The following CDC14B variants were observed in gnomAD, a reference collection of about 807,000 sequenced individuals.
The protein encoded by CDC14B is cell division cycle 14B, also known as dual specificity protein phosphatase CDC14B.
CDC14B carries 22 observed loss-of-function variants against 64.2 expected under a neutral mutation model. That is an observed-to-expected ratio of 0.34 (90% CI 0.24 to 0.49). CDC14B has a LOEUF of 0.49. CDC14B is among the 20% of genes least tolerant of loss of function. The pLI is 0.99. For synonymous variants in CDC14B, 191 were observed against 215.8 expected (o/e 0.89, Z 1.01); for missense variants, 498 against 629.9 (o/e 0.79, Z 2.24).
rs774810371 is a variant in CDC14B at position 96,619,386 on chromosome 9, G to A, written c.-8C>T. 5.9e-6 allele frequency: 7 copies of A among 1,192,064 alleles called. No homozygotes were observed. Among genetic ancestry groups the A allele is most frequent in the Middle Eastern group, 3.4e-4 (1 of 2,980 alleles). 73.8% of individuals were successfully genotyped at this position (1,192,064 alleles called of 1,614,324 possible). On this transcript the variant is annotated 5_prime_UTR_variant, in exon 1 of 14. Transcript: ENST00000375241. Reference sequence around the variant, plus strand: ...CTCGCTTTTCCGCTTCATGGAGGCGGCCGCGGCCCGTCAGGGGGCCACGAC... The same window carrying A: ...CTCGCTTTTCCGCTTCATGGAGGCGACCGCGGCCCGTCAGGGGGCCACGAC...
chr9:96,603,209 CT>C (rs1387571011), intron 1 of CDC14B, among the ~76,000 whole-genome samples: 3 of 150,652 alleles, frequency 2.0e-5, no homozygotes, highest in South Asian at 4.2e-4. Context: ...CAAAACATCT[CT>C]GGTAAGACAC....
intron 13 of CDC14B, among the ~76,000 whole-genome samples, chr9:96,504,534 C>T (rs1452458592): frequency 6.6e-6 from 1 of 152,178 alleles, no homozygotes; most frequent in Non-Finnish European, 1.5e-5. Context: ...CAACAGAGCA[C>T]TGAGTCAAAG....
chr9:96,571,931 G>A (rs1247678124), intron 1 of CDC14B, among the ~76,000 whole-genome samples: 3 of 152,150 alleles, frequency 2.0e-5, no homozygotes, highest in Admixed American at 6.5e-5. Flanking sequence ...CTTGCTGGGT[G>A]TAGATTATAC....
chr9:96,616,471 A>G (rs953057373), intron 1 of CDC14B, among the ~76,000 whole-genome samples: 46 of 152,190 alleles, frequency 3.0e-4, no homozygotes, highest in African/African-American at 1.1e-3. Context: ...CACGCCTGTA[A>G]TCCCAGCACC....
At chr9:96,570,404 C>T (rs1013903254) in intron 1 of CDC14B, among the ~76,000 whole-genome samples, 4 of 152,184 alleles carry the variant, frequency 2.6e-5, no homozygotes, top group African/African-American at 7.2e-5. Context: ...GGTGTATGGC[C>T]TTCACAGGTC....
chr9:96,595,519 G>GA (rs1438724722), intron 1 of CDC14B, among the ~76,000 whole-genome samples: 2 of 152,160 alleles, frequency 1.3e-5, no homozygotes, highest in Admixed American at 6.5e-5. Context: ...ACTTGTACGT[G>GA]AATGTTCTTA....
chr9:96,543,593 T>C (rs1280720367), intron 5 of CDC14B, among the ~76,000 whole-genome samples: 1 of 152,164 alleles, frequency 6.6e-6, no homozygotes, highest in African/African-American at 2.4e-5. Context: ...TAAATCTTCC[T>C]ATACAAATCT....
At chr9:96,576,012 G>A (rs1232927280) in intron 1 of CDC14B, among the ~76,000 whole-genome samples, 2 of 152,178 alleles carry the variant, frequency 1.3e-5, no homozygotes, top group African/African-American at 2.4e-5. Flanking sequence ...TTGGCGGCTC[G>A]CGCCTGTAAT....
At chr9:96,525,628 G>A (rs1006048149) in intron 9 of CDC14B, among the ~76,000 whole-genome samples, 58 of 152,204 alleles carry the variant, frequency 3.8e-4, no homozygotes, top group Non-Finnish European at 8.8e-5. Context: ...AAGATGTAAT[G>A]GGATTTGCCT....
chr9:96,599,683 T>C (rs1008292624), intron 1 of CDC14B, among the ~76,000 whole-genome samples: 1 of 152,188 alleles, frequency 6.6e-6, no homozygotes, highest in African/African-American at 2.4e-5. Context: ...CAACATAAGA[T>C]GCTTTCATTT....
At chr9:96,615,933 C>T (rs1403266792) in intron 1 of CDC14B, among the ~76,000 whole-genome samples, 1 of 152,230 alleles carries the variant, frequency 6.6e-6, no homozygotes, top group Non-Finnish European at 1.5e-5. Context: ...ATTGATGCTA[C>T]TGCAGCCATT....
chr9:96,576,369 G>A (rs1290196141), intron 1 of CDC14B, among the ~76,000 whole-genome samples: 2 of 151,806 alleles, frequency 1.3e-5, no homozygotes, highest in Non-Finnish European at 2.9e-5. Context: ...GGTCGCTCAT[G>A]CCTGTAATCC....
intron 1 of CDC14B, among the ~76,000 whole-genome samples, chr9:96,583,582 A>C (rs1845294540): frequency 6.6e-6 from 1 of 151,380 alleles, no homozygotes; most frequent in Non-Finnish European, 1.5e-5. Context: ...TTTTTAGTAG[A>C]AACCGGGTTT....
chr9:96,564,415 T>C (rs1240066744), intron 3 of CDC14B, among the ~76,000 whole-genome samples: 3 of 152,188 alleles, frequency 2.0e-5, no homozygotes, highest in Non-Finnish European at 4.4e-5. Flanking sequence ...CCCATCAAAA[T>C]GAAGGCAGAA....
intron 1 of CDC14B, among the ~76,000 whole-genome samples, chr9:96,568,060 T>C (rs1055869048): frequency 6.6e-6 from 1 of 152,354 alleles, no homozygotes; most frequent in Non-Finnish European, 1.5e-5. Flanking sequence ...TCAGTTGTTA[T>C]AGATAAGAAG....
intron 4 of CDC14B, among the ~76,000 whole-genome samples, chr9:96,553,272 A>C (rs750080812): frequency 5.3e-5 from 8 of 152,180 alleles, no homozygotes; most frequent in Non-Finnish European, 1.2e-4. Flanking sequence ...CAGCTTCCAA[A>C]GGGCATTTCA....
At chr9:96,583,374 TTA>T (rs1360632739) in intron 1 of CDC14B, among the ~76,000 whole-genome samples, 93 of 115,406 alleles carry the variant, frequency 8.1e-4, no homozygotes, top group African/African-American at 2.0e-3. Flanking sequence ...TATTTATTTA[TTA>T]TTATTATTAT....
intron 1 of CDC14B, among the ~76,000 whole-genome samples, chr9:96,592,900 A>G (rs184557370): frequency 3.9e-5 from 6 of 152,318 alleles, no homozygotes; most frequent in African/African-American, 1.4e-4. Context: ...ATTAAATTTA[A>G]AAAAAGCCAT....
At chr9:96,581,163 G>C (rs1392426055) in intron 1 of CDC14B, among the ~76,000 whole-genome samples, 6 of 152,214 alleles carry the variant, frequency 3.9e-5, no homozygotes, top group Admixed American at 3.9e-4. Flanking sequence ...CCAGGAGGTG[G>C]AGGTTGAGGT....
Sources: gnomAD v4.1 joint callset for allele counts (sites outside exome capture counted in the v4.1 genomes callset) on GRCh38, gnomAD v4.1.1 for gene constraint, MANE v1.5 for transcripts, NCBI Gene and HGNC (gene_info 2026-07-23, HGNC 2026-07-21) for gene names.